The following TRMT9B variants were observed in gnomAD, a reference collection of about 807,000 sequenced individuals.
The protein encoded by TRMT9B is tRNA methyltransferase 9B (putative).
A neutral mutation model predicts 11.5 loss-of-function variants in TRMT9B; 16 were observed. The ratio of observed to expected loss-of-function variants is 1.39; its 90% CI spans 0.94 to 2.11. TRMT9B has a LOEUF of 2.11. Among genes scored for constraint, TRMT9B ranks in the 30% most tolerant of loss-of-function variants. The pLI, the probability that TRMT9B is intolerant of heterozygous loss-of-function variation, is 0.00. For missense variants in TRMT9B, 941 were observed against 553.8 expected (o/e 1.70, Z -7.02); for synonymous variants, 274 against 192.4 (o/e 1.42, Z -3.51).
Position 13,011,596 on chromosome 8 carries a change from G to A in TRMT9B, c.155-1088G>A, listed in dbSNP as rs73548419. 8.6e-3 allele frequency: 8,109 copies of A among 947,988 alleles called. 502 individuals are homozygous for A. In the African/African-American group the frequency reaches 0.13, roughly 15 times the overall value. 58.7% of individuals were successfully genotyped at this position (947,988 alleles called of 1,614,324 possible). On this transcript the variant is annotated intron_variant, in intron 3 of 4. Transcript: ENST00000524591. ...AATACTAAGTATTAGACTGTAGAAG[G>A]CTTTGTTTCAAGGTGGTTTATTCAT... is the stretch of plus-strand genomic sequence containing the variant.
intron 1 of TRMT9B, among the ~76,000 whole-genome samples, chr8:12,982,963 G>T (rs922589318): frequency 1.5e-4 from 23 of 152,188 alleles, no homozygotes; most frequent in African/African-American, 5.1e-4. Flanking sequence ...CACTAACAAA[G>T]TGTAATAAAA....
intron 1 of TRMT9B, among the ~76,000 whole-genome samples, chr8:12,989,514 A>C (rs761830450): frequency 9.9e-5 from 15 of 152,144 alleles, no homozygotes; most frequent in Non-Finnish European, 2.1e-4. Context: ...CTACTTCTAC[A>C]CTAGCTACAA....
intron 1 of TRMT9B, among the ~76,000 whole-genome samples, chr8:12,977,801 G>A (rs1164344452): frequency 6.6e-6 from 1 of 152,014 alleles, no homozygotes; most frequent in Admixed American, 6.5e-5. Flanking sequence ...GATGGCTTGA[G>A]GCCAGGAGTT....
chr8:12,980,907 A>G (rs754326035), intron 1 of TRMT9B, among the ~76,000 whole-genome samples: 6 of 152,206 alleles, frequency 3.9e-5, no homozygotes, highest in Non-Finnish European at 7.3e-5. Context: ...ATATAAATCC[A>G]GGAAGTCACT....
At chr8:12,996,780 C>G (rs73546492) in intron 2 of TRMT9B, among the ~76,000 whole-genome samples, 2 of 152,006 alleles carry the variant, frequency 1.3e-5, no homozygotes, top group Admixed American at 6.5e-5. Flanking sequence ...ATAACCTGAG[C>G]GCCCTCATGT....
rs201160784 is a variant in TRMT9B at position 12,952,936 on chromosome 8, C to T, written c.-200+6970C>T. ...TGTATTTTTACTAGAGACGGGGTTT[C>T]ACCATGTTGGTCAGGCTGGTCTGGA... On this transcript the variant is annotated intron_variant, in intron 1 of 4. Coordinates refer to ENST00000524591, the MANE Select transcript of TRMT9B (RefSeq NM_020844.3). Among the ~76,000 whole-genome samples, 7 of 152,292 alleles carry T rather than the reference C, an allele frequency of 4.6e-5. No individual in the cohort carries two copies. The East Asian group carries it at 1.2e-3, about 25-fold the overall frequency.
chr8:12,961,962 G>C (rs1802177172), intron 1 of TRMT9B: 1 of 152,138 alleles, frequency 6.6e-6, no homozygotes. Context: ...GTTTCATATT[G>C]GTTAAAGACT....
intron 1 of TRMT9B, among the ~76,000 whole-genome samples, chr8:12,979,890 G>A (rs1272746818): frequency 2.0e-5 from 3 of 152,104 alleles, no homozygotes; most frequent in Non-Finnish European, 4.4e-5. Context: ...AGAGAACCTC[G>A]GCTGGAAAAT....
At chr8:12,988,307 A>T (rs532086912) in intron 1 of TRMT9B, among the ~76,000 whole-genome samples, 63 of 152,316 alleles carry the variant, frequency 4.1e-4, no homozygotes, top group Admixed American at 1.4e-3. Flanking sequence ...ACACCAGATA[A>T]GGGGTATTGA....
chr8:12,989,299 A>G (rs111817554), intron 1 of TRMT9B, among the ~76,000 whole-genome samples: 1 of 152,056 alleles, frequency 6.6e-6, no homozygotes, highest in Admixed American at 6.6e-5. Flanking sequence ...TTGGAATTCA[A>G]CTCCTTTTAG....
rs555512910 is a variant in TRMT9B at position 13,013,548 on chromosome 8, G to C, written c.328+691G>C. ...GACATCTGCCATATTTAAATATGCAGGGAAACTTGATATTTAATGGAATCC... is the reference window on the plus strand; with the variant it reads ...GACATCTGCCATATTTAAATATGCACGGAAACTTGATATTTAATGGAATCC... On this transcript the variant is annotated intron_variant, in intron 4 of 4. Coordinates refer to ENST00000524591, the MANE Select transcript of TRMT9B (RefSeq NM_020844.3). Among the ~76,000 whole-genome samples, 3 of 152,040 alleles carry C rather than the reference G, an allele frequency of 2.0e-5. No homozygotes were observed. In the East Asian group the frequency reaches 5.8e-4, roughly 29 times the overall value.
chr8:12,959,652 C>T (rs375161406), intron 1 of TRMT9B, among the ~76,000 whole-genome samples: 1 of 150,710 alleles, frequency 6.6e-6, no homozygotes, highest in African/African-American at 2.4e-5. Context: ...CCCAAGTAGC[C>T]GGGGCTACAG....
intron 2 of TRMT9B, among the ~76,000 whole-genome samples, chr8:12,992,696 C>CA (rs1454958819): frequency 3.4e-5 from 5 of 149,142 alleles, no homozygotes; most frequent in Non-Finnish European, 1.5e-5. Context: ...TACTAAAATA[C>CA]AAAAAAAGAA....
chr8:13,004,556 C>T (rs929667613), intron 2 of TRMT9B, among the ~76,000 whole-genome samples: 19 of 152,186 alleles, frequency 1.2e-4, no homozygotes, highest in African/African-American at 4.3e-4. Flanking sequence ...TTTCTAGACA[C>T]ACCCTGGGCC....
intron 1 of TRMT9B, among the ~76,000 whole-genome samples, chr8:12,975,608 T>A (rs1418842837): frequency 6.6e-6 from 1 of 152,098 alleles, no homozygotes; most frequent in East Asian, 1.9e-4. Flanking sequence ...TATGGTGGCA[T>A]GTGTCTGTAA....
chr8:12,992,625 G>A (rs1807567294), intron 2 of TRMT9B, among the ~76,000 whole-genome samples: 1 of 152,030 alleles, frequency 6.6e-6, no homozygotes, highest in African/African-American at 2.4e-5. Context: ...GCCGGGTTAG[G>A]CAGATCACCT....
chr8:12,956,585 A>T (rs1801343830), intron 1 of TRMT9B, among the ~76,000 whole-genome samples: 1 of 152,266 alleles, frequency 6.6e-6, no homozygotes, highest in African/African-American at 2.4e-5. Context: ...AGCCGCAGAT[A>T]GTCTACCCAT....
At chr8:13,011,922 G>C (rs374729925) in intron 3 of TRMT9B, 1 of 985,178 alleles carries the variant, frequency 1.0e-6, no homozygotes, top group Non-Finnish European at 1.2e-6. Flanking sequence ...TAGAAAAGTT[G>C]TTGACAGTTG....
chr8:12,967,994 C>T (rs921894260), intron 1 of TRMT9B, among the ~76,000 whole-genome samples: 1 of 152,196 alleles, frequency 6.6e-6, no homozygotes, highest in Non-Finnish European at 1.5e-5. Context: ...CTACTGGGCT[C>T]TCACCTCAGC....
Sources: allele counts gnomAD v4.1 joint callset (sites outside exome capture counted in the v4.1 genomes callset), GRCh38; gene constraint gnomAD v4.1.1; transcripts MANE v1.5; gene names NCBI Gene and HGNC (gene_info 2026-07-23, HGNC 2026-07-21).